TC2N: variants seen among roughly 807,000 people sequenced by gnomAD.
The protein encoded by TC2N is tandem C2 domains, nuclear.
In TC2N, 51 loss-of-function variants were observed where a neutral mutation model predicts 61.9. The ratio of observed to expected loss-of-function variants is 0.82; its 90% confidence interval spans 0.66 to 1.04. TC2N has a LOEUF of 1.04. TC2N is among the 50% of genes least tolerant of loss of function. The pLI, the probability that TC2N is intolerant of heterozygous loss-of-function variation, is 0.00. For synonymous variants in TC2N, 204 were observed against 192.6 expected (o/e 1.06, Z -0.49); for missense variants, 556 against 566.7 (o/e 0.98, Z 0.19).
intron 3 of TC2N, among the ~76,000 whole-genome samples, chr14:91,808,473 T>A (rs963464115): frequency 6.6e-6 from 1 of 152,206 alleles, no homozygotes; most frequent in Non-Finnish European, 1.5e-5. Context: ...TCATTATTGA[T>A]AGCAGTCTGC....
At chr14:91,790,152 G>A (rs989039696) in intron 9 of TC2N, among the ~76,000 whole-genome samples, 1 of 152,206 alleles carries the variant, frequency 6.6e-6, no homozygotes, top group South Asian at 2.1e-4. Flanking sequence ...GCAGCCGTAA[G>A]ATAAATCTCT....
chr14:91,785,331 G>A lies in TC2N; in HGVS notation c.1193C>T (p.Ser398Leu), dbSNP rs375980729. 26 of 1,613,196 alleles carry A rather than the reference G, an allele frequency of 1.6e-5. No homozygotes were observed. Among genetic ancestry groups the A allele is most frequent in the Middle Eastern group, 3.3e-4 (2 of 6,078 alleles). Residue 398 changes from serine to leucine, a missense_variant, in exon 11 of 12, where the codon TCG (serine) becomes TTG (leucine). Physicochemically the swap from Ser to Leu is moderately radical, Grantham distance 145 (BLOSUM62 -2). Transcript: ENST00000435962. ...SFFVKVGMFS[S>L]GELIYKKKTR... ...CTTTTTCTTATAAATCAACTCTCCC[G>A]AGCTAAACATTCCCACCTTCACGAA...
At chr14:91,855,147 G>A (rs150003907) in intron 1 of TC2N, among the ~76,000 whole-genome samples, 210 of 152,276 alleles carry the variant, frequency 1.4e-3, no homozygotes, top group African/African-American at 4.1e-3. Flanking sequence ...CCAGTGGAAC[G>A]GCAGGGATGG....
At chr14:91,843,922 C>A (rs184732565) in intron 1 of TC2N, among the ~76,000 whole-genome samples, 2 of 152,246 alleles carry the variant, frequency 1.3e-5, no homozygotes, top group East Asian at 3.9e-4. Flanking sequence ...CCACTCCCAG[C>A]CTTTCACTAT....
intron 1 of TC2N, among the ~76,000 whole-genome samples, chr14:91,840,329 C>T (rs1888141234): frequency 6.6e-6 from 1 of 152,156 alleles, no homozygotes; most frequent in African/African-American, 2.4e-5. Flanking sequence ...TTACATTAAA[C>T]ATACCAAAAA....
chr14:91,816,833 A>G (rs1341661277), intron 1 of TC2N, among the ~76,000 whole-genome samples: 1 of 151,866 alleles, frequency 6.6e-6, no homozygotes, highest in East Asian at 1.9e-4. Context: ...TTCCATATGC[A>G]ATTGGGTTTA....
At chr14:91,866,449 T>C (rs1288078238) in intron 1 of TC2N, 1 of 152,154 alleles carries the variant, frequency 6.6e-6, no homozygotes, top group East Asian at 1.9e-4. Context: ...CTGGCTGTCA[T>C]CCCCAAAGTA....
At chr14:91,799,114 G>A in intron 5 of TC2N, 50 bp from the exon 6 acceptor site, 1 of 1,208,036 alleles carries the variant, frequency 8.3e-7, no homozygotes, top group South Asian at 1.3e-5. Flanking sequence ...AAACCTTAAG[G>A]ATTCTGATAC....
intron 1 of TC2N, among the ~76,000 whole-genome samples, chr14:91,844,643 C>T (rs1043502342): frequency 2.6e-5 from 4 of 151,582 alleles, no homozygotes; most frequent in East Asian, 2.0e-4. Flanking sequence ...ATGCCTTAGT[C>T]TCAGCTACTC....
At chr14:91,818,735 G>A (rs944319336) in intron 1 of TC2N, among the ~76,000 whole-genome samples, 10 of 152,076 alleles carry the variant, frequency 6.6e-5, no homozygotes, top group African/African-American at 2.4e-4. Flanking sequence ...TAATGTCTGA[G>A]ATGGAAAATA....
intron 8 of TC2N, among the ~76,000 whole-genome samples, chr14:91,797,393 G>A (rs1043013261): frequency 1.3e-5 from 2 of 151,802 alleles, no homozygotes; most frequent in African/African-American, 4.8e-5. Context: ...CCAAACTCAG[G>A]ATCATAAGTC....
At chr14:91,825,015 CTTTTTCTTTTCTTTTTTTT>C (rs1403539429) in intron 1 of TC2N, among the ~76,000 whole-genome samples, 1 of 107,002 alleles carries the variant, frequency 9.3e-6, no homozygotes, top group African/African-American at 3.4e-5. Flanking sequence ...TTGTAATTTT[CTTTTTCTTTTCTTTTTTTT>C]TTTTTTTTTT....
In TC2N at chr14:91,833,918, G is replaced by C. The variant is rs140166709; in HGVS notation, c.-56-20093C>G. 2.9e-3 allele frequency among the ~76,000 whole-genome samples: 440 copies of C among 151,746 alleles called. 3 individuals are homozygous for C. Among genetic ancestry groups the C allele is most frequent in the African/African-American group, 0.01 (416 of 41,368 alleles). On this transcript the variant is annotated intron_variant, in intron 1 of 11. Transcript: ENST00000435962. ...CATAAAATGATTTGTCTGAACTCTT[G>C]AGCAACAAAAAAAAATCAAACTTTC...
At chr14:91,831,839 A>T (rs1887784137) in intron 1 of TC2N, among the ~76,000 whole-genome samples, 1 of 152,212 alleles carries the variant, frequency 6.6e-6, no homozygotes, top group Non-Finnish European at 1.5e-5. Flanking sequence ...CCCTGCTTTT[A>T]GTAGAAAATA....
chr14:91,810,260 A>G (rs148189245), intron 3 of TC2N, among the ~76,000 whole-genome samples: 1 of 152,218 alleles, frequency 6.6e-6, no homozygotes, highest in East Asian at 1.9e-4. Context: ...ATCTGCCCCC[A>G]TGATCCAAAC....
At chr14:91,784,082 A>G (rs1885248235) in intron 11 of TC2N, among the ~76,000 whole-genome samples, 1 of 152,154 alleles carries the variant, frequency 6.6e-6, no homozygotes, top group African/African-American at 2.4e-5. Context: ...TCCTAAGGCT[A>G]TACCAGATAA....
intron 3 of TC2N, among the ~76,000 whole-genome samples, chr14:91,808,770 T>C (rs1886633199): frequency 6.6e-6 from 1 of 152,192 alleles, no homozygotes; most frequent in Non-Finnish European, 1.5e-5. Flanking sequence ...TGGATATTTC[T>C]TACCTTTTTT....
chr14:91,811,706 T>A (rs940345120), intron 3 of TC2N, among the ~76,000 whole-genome samples: 7 of 152,102 alleles, frequency 4.6e-5, no homozygotes, highest in African/African-American at 1.4e-4. Context: ...ATTCTAGACA[T>A]GTGACGGATA....
At chr14:91,791,028 G>A (rs1352730816) in intron 9 of TC2N, among the ~76,000 whole-genome samples, 2 of 151,850 alleles carry the variant, frequency 1.3e-5, no homozygotes, top group African/African-American at 4.8e-5. Context: ...AGCTACTCAG[G>A]AGGCTGACAT....
Sources: allele counts gnomAD v4.1 joint callset (sites outside exome capture counted in the v4.1 genomes callset), GRCh38; gene constraint gnomAD v4.1.1; transcripts MANE v1.5; gene names NCBI Gene and HGNC (gene_info 2026-07-23, HGNC 2026-07-21).